ILRUN: variants seen among roughly 807,000 people sequenced by gnomAD.
ILRUN encodes protein ILRUN.
ILRUN carries 3 observed loss-of-function variants against 33.8 expected under a neutral mutation model. The ratio of observed to expected loss-of-function variants is 0.09; its 90% CI spans 0.04 to 0.23. ILRUN has a LOEUF of 0.23. Among genes scored for constraint, ILRUN ranks in the 10% least tolerant of loss-of-function variants. The pLI, the probability that ILRUN is intolerant of heterozygous loss-of-function variation, is 1.00. For synonymous variants in ILRUN, 124 were observed against 138.9 expected, an observed-to-expected ratio of 0.89 and a Z score of 0.75; for missense variants, 210 against 375.1, an observed-to-expected ratio of 0.56 and a Z score of 3.64.
At chr6:34,634,535 C>T (rs1762315559) in intron 3 of ILRUN, among the ~76,000 whole-genome samples, 1 of 151,644 alleles carries the variant, frequency 6.6e-6, no homozygotes, top group African/African-American at 2.4e-5. Flanking sequence ...TGATTCTTTT[C>T]AAAGACCAAT....
At position 34,622,732 on chromosome 6, in the gene ILRUN, T is replaced by A. The variant is rs146831153; in HGVS notation, c.512-15828A>T. ...AATATAGAATTGACAAATGATCCAG[T>A]AACTCTACCTCTAGGTATATAAACT... On this transcript the variant is annotated intron_variant, in intron 3 of 4. Coordinates refer to ENST00000374023, the MANE Select transcript of ILRUN (RefSeq NM_024294.4). Among the ~76,000 whole-genome samples, 334 of 152,306 alleles carry A rather than the reference T, an allele frequency of 2.2e-3. 2 individuals are homozygous for A. Among genetic ancestry groups the A allele is most frequent in the Non-Finnish European group, 4.1e-3 (278 of 68,020 alleles).
chr6:34,672,558 ATTT>A (rs1241082242), intron 1 of ILRUN, among the ~76,000 whole-genome samples: 1 of 151,964 alleles, frequency 6.6e-6, no homozygotes, highest in Non-Finnish European at 1.5e-5. Flanking sequence ...TTTAAAAAAA[ATTT>A]TTTTTAAATA....
At position 34,606,627 on chromosome 6, in the gene ILRUN, T is replaced by A; in HGVS notation, c.789A>T (p.Arg263Ser). The stretch of plus-strand genomic sequence containing the variant: ...ACAGATTTACAGAGTTCTGTGACAG[T>A]CTATTCTGGTCTTGCTCAGTTTGGT... ...APDQTEQDQN[R>S]LSQNSVNLSP... The change falls in exon 4 of 5, where the codon AGA becomes AGT. Residue 263 changes from arginine to serine, a missense_variant. This residue lies in a region of ILRUN where 81 missense variants were observed against 97.0 expected (regional missense o/e 0.84). Coordinates refer to ENST00000374023, the MANE Select transcript of ILRUN (RefSeq NM_024294.4). The A allele has an allele frequency of 6.2e-7, 1 of 1,614,178 alleles. No homozygotes were observed. Among genetic ancestry groups the A allele is most frequent in the Non-Finnish European group, 8.5e-7 (1 of 1,180,028 alleles).
intron 1 of ILRUN, among the ~76,000 whole-genome samples, chr6:34,678,856 A>AAG (rs1554189188): frequency 3.3e-5 from 5 of 149,974 alleles, no homozygotes; most frequent in East Asian, 1.9e-4. Context: ...AAAAAAAAAA[A>AAG]AAAGAAAGAA....
At chr6:34,603,547 T>C (rs1029404633) in intron 4 of ILRUN, among the ~76,000 whole-genome samples, 8 of 151,780 alleles carry the variant, frequency 5.3e-5, no homozygotes, top group African/African-American at 1.2e-4. Context: ...AGATAGAGGA[T>C]TGCTTGAGCC....
At chr6:34,602,611 G>T (rs1467024046) in intron 4 of ILRUN, among the ~76,000 whole-genome samples, 1 of 152,016 alleles carries the variant, frequency 6.6e-6, no homozygotes, top group Non-Finnish European at 1.5e-5. Flanking sequence ...ACATAAAAAG[G>T]GATCATTAAA....
intron 2 of ILRUN, among the ~76,000 whole-genome samples, chr6:34,648,146 G>T (rs1316317251): frequency 6.6e-6 from 1 of 152,070 alleles, no homozygotes; most frequent in Non-Finnish European, 1.5e-5. Context: ...TGCAGCAATT[G>T]ATATACTCCT....
At chr6:34,606,468 C>G in intron 4 of ILRUN, 87 bp downstream of exon 4, 1 of 1,054,952 alleles carries the variant, frequency 9.5e-7, no homozygotes, top group Non-Finnish European at 1.4e-6. Context: ...TGGGGAGCGG[C>G]AGTCTAGGAT....
At position 34,668,930 on chromosome 6, in the gene ILRUN, G is replaced by A. The variant is rs929398404; in HGVS notation, c.159-14151C>T. On this transcript the variant is annotated intron_variant, in intron 1 of 4. Coordinates refer to ENST00000374023, the MANE Select transcript of ILRUN (RefSeq NM_024294.4). ...GTAATCTTGGATCACTGCAACCTCC[G>A]CCTCCCAAGTTCAAGTGATTTTTCT... Among the ~76,000 whole-genome samples the A allele has an allele frequency of 2.7e-5, 4 of 146,834 alleles. No individual in the cohort carries two copies. The East Asian group carries it at 6.0e-4, about 22-fold the overall frequency.
chr6:34,670,900 T>C (rs1345794295), intron 1 of ILRUN, among the ~76,000 whole-genome samples: 1 of 148,164 alleles, frequency 6.7e-6, no homozygotes, highest in Non-Finnish European at 1.5e-5. Context: ...ACACACCCCC[T>C]AAAACTAGTG....
chr6:34,608,549 T>G (rs1761680846), intron 3 of ILRUN, among the ~76,000 whole-genome samples: 1 of 152,184 alleles, frequency 6.6e-6, no homozygotes, highest in Non-Finnish European at 1.5e-5. Flanking sequence ...TACTAAATAC[T>G]ATGTAGACTT....
At chr6:34,603,109 T>A (rs1761549121) in intron 4 of ILRUN, among the ~76,000 whole-genome samples, 1 of 152,206 alleles carries the variant, frequency 6.6e-6, no homozygotes, top group African/African-American at 2.4e-5. Flanking sequence ...ATCACGTTCT[T>A]TCCCAGCCTT....
chr6:34,635,268 G>A (rs548679116), intron 3 of ILRUN, among the ~76,000 whole-genome samples: 9 of 152,088 alleles, frequency 5.9e-5, no homozygotes, highest in East Asian at 1.9e-4. Flanking sequence ...AGTGGCTCAC[G>A]TCTGTAATCC....
In ILRUN at chr6:34,687,753, G is replaced by A. The variant is rs1763555804; in HGVS notation, c.158+8693C>T. The stretch of plus-strand genomic sequence containing the variant: ...TATAAAATATATATTCCATTAAACT[G>A]GAAGTTTAAAAGAAGAAAGAAAAAT... On this transcript the variant is annotated intron_variant, in intron 1 of 4. Coordinates refer to ENST00000374023, the MANE Select transcript of ILRUN (RefSeq NM_024294.4). Among the ~76,000 whole-genome samples the A allele has an allele frequency of 2.1e-5, 3 of 145,848 alleles. No homozygotes were observed. The South Asian group carries it at 6.4e-4, about 31-fold the overall frequency.
intron 4 of ILRUN, among the ~76,000 whole-genome samples, chr6:34,598,373 GC>G (rs763675357): frequency 2.6e-5 from 4 of 152,180 alleles, no homozygotes; most frequent in Non-Finnish European, 5.9e-5. Flanking sequence ...AGCAGACTTA[GC>G]TGAGAACAAG....
At chr6:34,678,529 A>G (rs921275921) in intron 1 of ILRUN, among the ~76,000 whole-genome samples, 1 of 151,966 alleles carries the variant, frequency 6.6e-6, no homozygotes, top group Admixed American at 6.6e-5. Context: ...ATCCAACATT[A>G]TTACTTTTAC....
At chr6:34,599,028 T>C (rs1016553667) in intron 4 of ILRUN, among the ~76,000 whole-genome samples, 9 of 152,212 alleles carry the variant, frequency 5.9e-5, no homozygotes, top group African/African-American at 2.2e-4. Flanking sequence ...CACAAATGAA[T>C]GAAGAGGTCT....
intron 4 of ILRUN, among the ~76,000 whole-genome samples, chr6:34,599,486 T>C (rs1761465681): frequency 6.6e-6 from 1 of 152,094 alleles, no homozygotes; most frequent in South Asian, 2.1e-4. Context: ...TGGCATCTAG[T>C]GGGTAAAAGG....
intron 2 of ILRUN, among the ~76,000 whole-genome samples, chr6:34,649,708 C>G (rs1349407013): frequency 6.6e-6 from 1 of 152,122 alleles, no homozygotes; most frequent in Non-Finnish European, 1.5e-5. Flanking sequence ...AGAAGACAAA[C>G]CTTAATGATG....
Sources: gnomAD v4.1 joint callset for allele counts (sites outside exome capture counted in the v4.1 genomes callset) on GRCh38, gnomAD v4.1.1 for gene constraint, gnomAD v4.1.1 regional missense constraint, MANE v1.5 for transcripts, NCBI Gene and HGNC (gene_info 2026-07-23, HGNC 2026-07-21) for gene names.